ANKRD36C: variants seen among roughly 807,000 people sequenced by gnomAD.
ANKRD36C encodes the protein ankyrin repeat domain-containing protein 36C.
In ANKRD36C, 61 loss-of-function variants were observed where a neutral mutation model predicts 276.4. The observed-to-expected ratio is 0.22, with a 90% confidence interval of 0.18 to 0.27. The LOEUF (loss-of-function observed/expected upper bound fraction) is 0.27. Among genes scored for constraint, ANKRD36C ranks in the 10% least tolerant of loss-of-function variants. ANKRD36C has a pLI of 1.00. For missense variants in ANKRD36C, 1,447 were observed against 2,032.3 expected, an observed-to-expected ratio of 0.71 and a Z score of 5.54; for synonymous variants, 483 against 680.1, an observed-to-expected ratio of 0.71 and a Z score of 4.51.
chr2:95,942,517 G>A (rs1168674928), intron 19 of ANKRD36C, among the ~76,000 whole-genome samples: 10 of 150,620 alleles, frequency 6.6e-5, no homozygotes, highest in African/African-American at 2.5e-4. Flanking sequence ...AGAATTATAA[G>A]GCATTTTAAG....
In ANKRD36C at chr2:95,883,450, T is replaced by C. The variant is rs141116277; in HGVS notation, c.3265+723A>G. Among the ~76,000 whole-genome samples the C allele has an allele frequency of 1.1e-3, 163 of 152,226 alleles. 1 individual carries two copies. In the East Asian group the frequency reaches 0.018, roughly 17 times the overall value. Reference sequence around the variant, plus strand: ...TTGAAAAGCAAAGCCAATATATGTATATTCATGTTTATTTCACTTGAATAA... The same window carrying C: ...TTGAAAAGCAAAGCCAATATATGTACATTCATGTTTATTTCACTTGAATAA... On this transcript the variant is annotated intron_variant, in intron 54 of 66. Coordinates refer to ENST00000456556, the Ensembl canonical transcript of ANKRD36C.
chr2:95,965,837 G>C (rs1678576243), intron 6 of ANKRD36C, among the ~76,000 whole-genome samples: 2 of 152,046 alleles, frequency 1.3e-5, no homozygotes, highest in Admixed American at 1.3e-4. Flanking sequence ...TGTGTGTACT[G>C]TCTGAACTTT....
At chr2:95,919,281 A>G (rs1350016881) in intron 34 of ANKRD36C, among the ~76,000 whole-genome samples, 1 of 133,476 alleles carries the variant, frequency 7.5e-6, no homozygotes, top group East Asian at 2.7e-4. Context: ...TGGGAAAATA[A>G]TTGCTACATC....
At position 95,893,740 on chromosome 2, in the gene ANKRD36C, G is replaced by A. The variant is rs777187429; in HGVS notation, c.2756-1880C>T. On this transcript the variant is annotated intron_variant, in intron 44 of 66. Coordinates refer to ENST00000456556, the Ensembl canonical transcript of ANKRD36C. ...TGAGAAGACACTGAAAAGCAAAAGG[G>A]ATTCATAATCACTCATATGTAAATA... 16 of 1,604,778 alleles carry A rather than the reference G, an allele frequency of 1.0e-5. No homozygotes were observed. Among genetic ancestry groups the A allele is most frequent in the African/African-American group, 1.3e-5 (1 of 74,500 alleles).
intron 5 of ANKRD36C, 69 bp downstream of exon 5, chr2:95,980,579 A>G: frequency 6.5e-7 from 1 of 1,546,222 alleles, no homozygotes; most frequent in Non-Finnish European, 8.8e-7. Flanking sequence ...CTGATATATA[A>G]GATGCAATTG....
intron 12 of ANKRD36C, among the ~76,000 whole-genome samples, chr2:95,957,802 T>A (rs1277663327): frequency 6.6e-6 from 1 of 152,258 alleles, no homozygotes; most frequent in East Asian, 1.9e-4. Context: ...AGTATTTTCA[T>A]TAAATTGCTA....
chr2:95,871,428 T>C (rs1675809072), intron 59 of ANKRD36C, among the ~76,000 whole-genome samples: 1 of 151,284 alleles, frequency 6.6e-6, no homozygotes, highest in African/African-American at 2.4e-5. Context: ...GCTTCATAAG[T>C]GAAGGAGAAA....
downstream of ANKRD36C, among the ~76,000 whole-genome samples, chr2:95,849,303 A>G (rs1003786746): frequency 8.5e-5 from 13 of 152,188 alleles, no homozygotes; most frequent in Non-Finnish European, 1.9e-4. Context: ...CAAGTGGTCC[A>G]CCTGCACTGG....
intron 13 of ANKRD36C, among the ~76,000 whole-genome samples, chr2:95,956,055 C>T (rs796355718): frequency 6.6e-6 from 1 of 151,504 alleles, no homozygotes; most frequent in African/African-American, 2.4e-5. Flanking sequence ...AAAGCTTCAG[C>T]AAACTAGGCA....
intron 30 of ANKRD36C, among the ~76,000 whole-genome samples, chr2:95,924,964 A>G (rs1254637755): frequency 6.6e-6 from 1 of 151,630 alleles, no homozygotes; most frequent in Admixed American, 6.6e-5. Context: ...ACAGGTTATT[A>G]TAACAATTTC....
rs967463857 is a variant in ANKRD36C, at chr2:95,923,429, T to C, written c.2143+66A>G. ...CTTTGATGAGCCCCCCGCTGATTTA[T>C]TCAGGGAAGAGAAGTTCTTTTCTAT... On this transcript the variant is annotated intron_variant, in intron 32 of 66. Coordinates refer to ENST00000456556, the Ensembl canonical transcript of ANKRD36C. 7 of 1,568,016 alleles carry C rather than the reference T, an allele frequency of 4.5e-6. No individual in the cohort carries two copies. In the East Asian group the frequency reaches 6.9e-5, roughly 16 times the overall value.
At position 95,917,942 on chromosome 2, in the gene ANKRD36C, A is replaced by C. The variant is rs1239108022; in HGVS notation, c.2275-15T>G. 6.2e-7 allele frequency: 1 copy of C among 1,602,574 alleles called. No individual in the cohort carries two copies. Among genetic ancestry groups the C allele is most frequent in the Middle Eastern group, 2.0e-4 (1 of 5,028 alleles). ...TCAGTTGTAGCCTGAATGGAATTTGAAAGAAAATAATAAATAAATAAATCA... is the reference window on the plus strand; with the variant it reads ...TCAGTTGTAGCCTGAATGGAATTTGCAAGAAAATAATAAATAAATAAATCA... On this transcript the variant is annotated splice_polypyrimidine_tract_variant and intron_variant, in intron 35 of 66. Transcript: ENST00000456556.
At chr2:95,922,737 CT>C (rs2104425520) in intron 32 of ANKRD36C, among the ~76,000 whole-genome samples, 1 of 151,698 alleles carries the variant, frequency 6.6e-6, no homozygotes, top group South Asian at 2.1e-4. Flanking sequence ...TGAGATAGCT[CT>C]TTGATGAAAG....
chr2:95,964,309 T>C (rs1678542957), intron 6 of ANKRD36C, among the ~76,000 whole-genome samples: 2 of 151,768 alleles, frequency 1.3e-5, no homozygotes, highest in African/African-American at 2.4e-5. Flanking sequence ...GTCACCCTCA[T>C]CCTTCTAACT....
Position 95,912,227 on chromosome 2 carries a change from G to C in ANKRD36C, c.2653+17C>G, listed in dbSNP as rs891955743. On this transcript the variant is annotated intron_variant, in intron 42 of 66. Transcript: ENST00000456556. ...ATCTGGACTGCACATGACATTAAAT[G>C]TGTTTTGCAAAATTACCTGTCCTAG... 3.2e-6 allele frequency: 5 copies of C among 1,544,436 alleles called. No homozygotes were observed. In the Admixed American group the frequency reaches 9.8e-5, roughly 30 times the overall value.
Position 95,923,692 on chromosome 2 carries a change from G to T in ANKRD36C, c.2042-3C>A, listed in dbSNP as rs957450475. On this transcript the variant is annotated splice_polypyrimidine_tract_variant and splice_region_variant and intron_variant, in intron 30 of 66. Transcript: ENST00000456556. ...GGGTGGTTGTTTCTGAGAAGACACTGAAAAGCAAAAGGGATACATAATCAC... is the reference window on the plus strand; with the variant it reads ...GGGTGGTTGTTTCTGAGAAGACACTTAAAAGCAAAAGGGATACATAATCAC... 1.1e-5 allele frequency: 17 copies of T among 1,610,092 alleles called. No individual in the cohort carries two copies. Among genetic ancestry groups the T allele is most frequent in the Admixed American group, 3.3e-5 (2 of 59,714 alleles).
chr2:95,857,397 C>T (rs1376949968), exon 62 of ANKRD36C: 8 of 1,610,014 alleles, frequency 5.0e-6, no homozygotes, highest in Non-Finnish European at 6.8e-6. Context: ...AGCTTCTATC[C>T]TATATTGCTC....
intron 31 of ANKRD36C, 25 bp from the exon 32 acceptor site, chr2:95,923,592 T>C (rs1451677339): frequency 1.2e-6 from 2 of 1,608,722 alleles, no homozygotes; most frequent in African/African-American, 2.7e-5. Context: ...AAGCAAATTA[T>C]CAATAAAGAA....
chr2:95,962,041 C>T (rs1377348192), intron 8 of ANKRD36C, among the ~76,000 whole-genome samples: 3 of 152,012 alleles, frequency 2.0e-5, no homozygotes, highest in Non-Finnish European at 2.9e-5. Context: ...ATCTCTTTCT[C>T]CTTCCCTTTA....
Sources: gnomAD v4.1 joint callset for allele counts (sites outside exome capture counted in the v4.1 genomes callset) on GRCh38, gnomAD v4.1.1 for gene constraint, MANE v1.5 for transcripts, NCBI Gene and HGNC (gene_info 2026-07-23, HGNC 2026-07-21) for gene names.